Variants in ADGB observed in about 807,000 individuals in gnomAD.
The protein encoded by ADGB is calpain-7-like protein.
A neutral mutation model predicts 210.5 loss-of-function variants in ADGB; 172 were observed. That is an observed-to-expected ratio of 0.82 (90% CI 0.72 to 0.93). The LOEUF is 0.93. Ranked by LOEUF, ADGB falls within the 40% of genes least tolerant of loss-of-function variation. The pLI is 0.00. For synonymous variants in ADGB, 658 were observed against 662.7 expected (o/e 0.99, Z 0.11); for missense variants, 2,025 against 1,964.8 (o/e 1.03, Z -0.58).
chr6:146,788,024 A>G (rs1043446465), intron 32 of ADGB, among the ~76,000 whole-genome samples: 28 of 152,162 alleles, frequency 1.8e-4, no homozygotes, highest in African/African-American at 6.3e-4. Flanking sequence ...CCCCCTGCAG[A>G]GAGGAACACC....
intron 1 of ADGB, among the ~76,000 whole-genome samples, chr6:146,622,728 G>C (rs936294546): frequency 6.6e-6 from 1 of 151,894 alleles, no homozygotes; most frequent in Admixed American, 6.6e-5. Context: ...TTTAAATTTT[G>C]ATGAAATCTT....
chr6:146,760,189 A>G (rs1465234249), intron 27 of ADGB, among the ~76,000 whole-genome samples: 1 of 151,828 alleles, frequency 6.6e-6, no homozygotes, highest in Non-Finnish European at 1.5e-5. Flanking sequence ...ATACTTTAGT[A>G]TGACCCACAC....
At chr6:146,787,595 A>G (rs1777891896) in intron 32 of ADGB, among the ~76,000 whole-genome samples, 1 of 151,928 alleles carries the variant, frequency 6.6e-6, no homozygotes, top group African/African-American at 2.4e-5. Context: ...TAGGGAATCG[A>G]CTTTTGACTA....
intron 3 of ADGB, among the ~76,000 whole-genome samples, chr6:146,646,700 T>TAAG (rs1293501165): frequency 2.0e-5 from 3 of 152,172 alleles, no homozygotes; most frequent in African/African-American, 7.2e-5. Flanking sequence ...ATAATTTTGA[T>TAAG]AAGTTTCAGC....
At chr6:146,800,542 A>T (rs557311538) in intron 33 of ADGB, among the ~76,000 whole-genome samples, 2,701 of 18,744 alleles carry the variant, frequency 0.14, 84 homozygotes, top group African/African-American at 0.41. Flanking sequence ...CTTTTTTTTA[A>T]AAAAAAAGCA....
chr6:146,756,353 A>C (rs1777406229), intron 27 of ADGB, among the ~76,000 whole-genome samples: 1 of 152,062 alleles, frequency 6.6e-6, no homozygotes, highest in Non-Finnish European at 1.5e-5. Flanking sequence ...TTGTTTCCTA[A>C]ATCAGTTTTT....
chr6:146,720,305 T>G (rs1776794629), intron 16 of ADGB, among the ~76,000 whole-genome samples: 1 of 152,018 alleles, frequency 6.6e-6, no homozygotes, highest in Non-Finnish European at 1.5e-5. Flanking sequence ...TAGCTTACCC[T>G]TTCTGTGTAA....
At chr6:146,814,492 T>A (rs967180817) in intron 35 of ADGB, among the ~76,000 whole-genome samples, 4 of 152,128 alleles carry the variant, frequency 2.6e-5, no homozygotes, top group Non-Finnish European at 5.9e-5. Context: ...GAACAACAAA[T>A]GATCCAGGAT....
At chr6:146,664,905 C>T (rs929460514) in intron 6 of ADGB, among the ~76,000 whole-genome samples, 13 of 152,006 alleles carry the variant, frequency 8.6e-5, no homozygotes, top group Admixed American at 6.6e-5. Context: ...GACTTGTGCA[C>T]CAACATATAT....
chr6:146,702,565 T>G (rs889534420), intron 13 of ADGB, among the ~76,000 whole-genome samples: 2 of 151,924 alleles, frequency 1.3e-5, no homozygotes, highest in African/African-American at 4.8e-5. Context: ...TCAGGATTTT[T>G]TAATGTAAAT....
intron 10 of ADGB, among the ~76,000 whole-genome samples, chr6:146,689,683 G>A (rs73589843): frequency 0.029 from 4,408 of 152,160 alleles, 168 homozygotes; most frequent in African/African-American, 0.096. Context: ...CTTTGAGTTT[G>A]ACTTCTATTT....
At chr6:146,604,996 G>A (rs1033626197) in intron 1 of ADGB, among the ~76,000 whole-genome samples, 13 of 152,058 alleles carry the variant, frequency 8.5e-5, no homozygotes, top group African/African-American at 2.9e-4. Context: ...TTAGTGGGGC[G>A]GTTAGTGCAG....
At chr6:146,809,004 TC>T (rs1211457941) in intron 35 of ADGB, among the ~76,000 whole-genome samples, 1 of 149,736 alleles carries the variant, frequency 6.7e-6, no homozygotes, top group African/African-American at 2.5e-5. Flanking sequence ...TTATTGGTAA[TC>T]AACAAAGAAA....
intron 1 of ADGB, among the ~76,000 whole-genome samples, chr6:146,635,074 A>G (rs1236209836): frequency 6.6e-6 from 1 of 152,120 alleles, no homozygotes; most frequent in Non-Finnish European, 1.5e-5. Flanking sequence ...ACAGCTATTT[A>G]TCAACTATAT....
intron 19 of ADGB, among the ~76,000 whole-genome samples, chr6:146,726,803 G>T (rs11155479): frequency 0.19 from 29,120 of 152,064 alleles, 3,407 homozygotes; most frequent in Middle Eastern, 0.3. Context: ...TTGGTTCTTT[G>T]GGGTATAAAT....
In ADGB at chr6:146,672,448, A is replaced by C; in HGVS notation, c.1068A>C (p.Lys356Asn). 1 of 1,544,468 alleles carries C rather than the reference A, an allele frequency of 6.5e-7. No individual in the cohort carries two copies. Among genetic ancestry groups the C allele is most frequent in the Non-Finnish European group, 8.7e-7 (1 of 1,144,952 alleles). The change falls in exon 8 of 36, where the codon AAA (lysine) becomes AAC (asparagine). Residue 356 changes from lysine (K) to asparagine (N), a missense_variant. Lys to Asn is a moderately conservative substitution (Grantham distance 94). Coordinates refer to ENST00000397944, the MANE Select transcript of ADGB (RefSeq NM_024694.4). ...TGACAACACTAAAGGCTCCTGAGAA[A>C]AGCGACAAAGTTCCAAAGGGTAAGA... ...SSLTTLKAPEKSDKVPKEKAD... is the reference protein window; with the variant it reads ...SSLTTLKAPENSDKVPKEKAD...
At chr6:146,763,403 C>G (rs1379430279) in intron 27 of ADGB, among the ~76,000 whole-genome samples, 3 of 152,032 alleles carry the variant, frequency 2.0e-5, no homozygotes, top group Non-Finnish European at 4.4e-5. Flanking sequence ...ATTTTTAAAC[C>G]TATCAGCAGT....
Position 146,692,883 on chromosome 6 carries a change from T to C in ADGB, c.1545T>C (p.Tyr515=), listed in dbSNP as rs1227976087. ...AGATTTCAAGTCCATTTTTGAATTA[T>C]AGAATGACTCCATTTACAATTCCAA... The part of the protein sequence containing the change: ...FLEISSPFLN[Y]RMTPFTIPTE... Residue 515 remains tyrosine (Y), a synonymous_variant, in exon 12 of 36, where the codon TAT becomes TAC. Transcript: ENST00000397944. 3.9e-6 allele frequency: 6 copies of C among 1,537,266 alleles called. No homozygotes were observed. The highest frequency in any genetic ancestry group is 5.3e-6 in the Non-Finnish European group (6 of 1,136,732).
chr6:146,788,689 G>C (rs993463971), intron 33 of ADGB, 79 bp downstream of exon 33: 2 of 1,234,420 alleles, frequency 1.6e-6, no homozygotes, highest in Admixed American at 2.0e-5. Context: ...TTAAACATCA[G>C]TGACGGCTAG....
Sources: allele counts gnomAD v4.1 joint callset (sites outside exome capture counted in the v4.1 genomes callset), GRCh38; gene constraint gnomAD v4.1.1; transcripts MANE v1.5; gene names NCBI Gene and HGNC (gene_info 2026-07-23, HGNC 2026-07-21).